Variants in NUDCD3 observed in about 807,000 individuals in gnomAD.
NUDCD3 encodes the protein nudC domain-containing protein 3.
In NUDCD3, 13 loss-of-function variants were observed where a neutral mutation model predicts 39.7. That is an observed-to-expected ratio of 0.33 (90% CI 0.21 to 0.52). NUDCD3 has a LOEUF of 0.52. Ranked by LOEUF, NUDCD3 falls within the 20% of genes least tolerant of loss-of-function variation. The pLI, the probability that NUDCD3 is intolerant of heterozygous loss-of-function variation, is 0.96. For missense variants in NUDCD3, 453 were observed against 458.1 expected, an observed-to-expected ratio of 0.99 and a Z score of 0.10; for synonymous variants, 175 against 172.4, an observed-to-expected ratio of 1.02 and a Z score of -0.12.
chr7:44,461,483 TG>T (rs944064602), intron 2 of NUDCD3, among the ~76,000 whole-genome samples: 2 of 151,936 alleles, frequency 1.3e-5, no homozygotes, highest in African/African-American at 4.8e-5. Context: ...TGTCTCCCTG[TG>T]GGGGGAGGCA....
intron 3 of NUDCD3, among the ~76,000 whole-genome samples, chr7:44,411,389 T>C (rs987319957): frequency 6.6e-6 from 1 of 151,768 alleles, no homozygotes; most frequent in African/African-American, 2.4e-5. Context: ...CTGACAAGGG[T>C]GTAGTATCCA....
chr7:44,381,939 G>C lies in NUDCD3; in HGVS notation c.*4072C>G, dbSNP rs1585043587. On this transcript the variant is annotated 3_prime_UTR_variant, in exon 6 of 6. Transcript: ENST00000355451. ...TCAGTGACAGTTCATCCTGCCATGG[G>C]CTCTGGTCTCCCCATCACCCTCTGA... 1 of 152,290 alleles carries C rather than the reference G, an allele frequency of 6.6e-6. No individual in the cohort carries two copies. Among genetic ancestry groups the C allele is most frequent in the Non-Finnish European group, 1.5e-5 (1 of 68,104 alleles). 9.4% of individuals were successfully genotyped at this position (152,290 alleles called of 1,614,324 possible).
At chr7:44,426,999 T>C (rs1243060065) in intron 3 of NUDCD3, among the ~76,000 whole-genome samples, 1 of 150,300 alleles carries the variant, frequency 6.7e-6, no homozygotes, top group East Asian at 1.9e-4. Context: ...CTCATCACCA[T>C]ACACGGGGAG....
At chr7:44,440,441 G>A (rs1799556076) in intron 2 of NUDCD3, among the ~76,000 whole-genome samples, 1 of 132,902 alleles carries the variant, frequency 7.5e-6, no homozygotes, top group Admixed American at 8.6e-5. Context: ...GTGACTCCTG[G>A]ACCTAATTCT....
chr7:44,427,386 C>G (rs1360299878), intron 3 of NUDCD3, among the ~76,000 whole-genome samples, 185 bp downstream of exon 3: 1 of 152,114 alleles, frequency 6.6e-6, no homozygotes, highest in Non-Finnish European at 1.5e-5. Context: ...GCTGGGAGAA[C>G]CTCACAAACA....
chr7:44,470,384 G>C (rs753336553), intron 2 of NUDCD3, among the ~76,000 whole-genome samples: 2 of 152,158 alleles, frequency 1.3e-5, no homozygotes, highest in Non-Finnish European at 2.9e-5. Flanking sequence ...TCACAGCCAA[G>C]TCATTTGAGA....
At chr7:44,471,231 T>C (rs765815683) in intron 2 of NUDCD3, among the ~76,000 whole-genome samples, 1 of 152,258 alleles carries the variant, frequency 6.6e-6, no homozygotes, top group Non-Finnish European at 1.5e-5. Flanking sequence ...AGTATTTGCA[T>C]ATGCACGTCC....
intron 2 of NUDCD3, among the ~76,000 whole-genome samples, chr7:44,442,550 G>T (rs1476580701): frequency 2.0e-5 from 3 of 152,132 alleles, no homozygotes; most frequent in Non-Finnish European, 2.9e-5. Flanking sequence ...GATGGGAGGG[G>T]ACAAGTGACA....
At chr7:44,487,318 G>C (rs1489570752) in intron 1 of NUDCD3, among the ~76,000 whole-genome samples, 1 of 152,118 alleles carries the variant, frequency 6.6e-6, no homozygotes, top group East Asian at 1.9e-4. Flanking sequence ...GGAACGCTTT[G>C]AAGTTCCACA....
intron 2 of NUDCD3, among the ~76,000 whole-genome samples, chr7:44,463,773 G>C (rs990343596): frequency 5.9e-5 from 9 of 151,900 alleles, no homozygotes; most frequent in African/African-American, 2.2e-4. Flanking sequence ...ATGATCAAAG[G>C]GGTCTTGAGT....
intron 2 of NUDCD3, among the ~76,000 whole-genome samples, chr7:44,444,612 A>G (rs1001069826): frequency 2.6e-5 from 4 of 152,214 alleles, no homozygotes; most frequent in Non-Finnish European, 4.4e-5. Context: ...GAATACTTAC[A>G]TAACACCCCA....
At chr7:44,406,159 C>T (rs925594333) in intron 3 of NUDCD3, among the ~76,000 whole-genome samples, 2 of 152,158 alleles carry the variant, frequency 1.3e-5, no homozygotes, top group Non-Finnish European at 2.9e-5. Context: ...GAGAAGGTGG[C>T]AGAAGGCTGC....
intron 3 of NUDCD3, among the ~76,000 whole-genome samples, chr7:44,423,511 G>A (rs1051224776): frequency 4.6e-5 from 7 of 152,098 alleles, no homozygotes; most frequent in Admixed American, 3.9e-4. Flanking sequence ...GACAAGCAGA[G>A]AGCCAAGTCA....
chr7:44,387,743 C>T (rs903853028), intron 5 of NUDCD3, among the ~76,000 whole-genome samples: 13 of 152,212 alleles, frequency 8.5e-5, no homozygotes, highest in African/African-American at 2.9e-4. Context: ...CTTGATCTTA[C>T]AACAGAGGGA....
intron 2 of NUDCD3, among the ~76,000 whole-genome samples, chr7:44,449,453 C>T (rs986376478): frequency 6.6e-6 from 1 of 152,038 alleles, no homozygotes; most frequent in African/African-American, 2.4e-5. Flanking sequence ...GAGTAGAAGA[C>T]AAGGACTGGG....
chr7:44,427,435 G>C (rs1799257304), intron 3 of NUDCD3, 136 bp downstream of exon 3: 1 of 936,446 alleles, frequency 1.1e-6, no homozygotes, highest in Non-Finnish European at 1.6e-6. Context: ...AGCTCATTCC[G>C]AGGGCAGGAG....
chr7:44,394,355 G>A (rs1013455873), intron 4 of NUDCD3, among the ~76,000 whole-genome samples: 3 of 152,158 alleles, frequency 2.0e-5, no homozygotes, highest in South Asian at 2.1e-4. Flanking sequence ...CTGGTTTGTC[G>A]TTGACTTTAC....
intron 2 of NUDCD3, among the ~76,000 whole-genome samples, chr7:44,445,227 C>T (rs569327528): frequency 1.3e-5 from 2 of 152,368 alleles, no homozygotes; most frequent in East Asian, 3.9e-4. Context: ...ATCCTTTCTA[C>T]ATCCCCTACC....
intron 4 of NUDCD3, among the ~76,000 whole-genome samples, chr7:44,398,140 C>T (rs1422399438): frequency 2.6e-5 from 4 of 152,194 alleles, no homozygotes; most frequent in Admixed American, 2.6e-4. Flanking sequence ...CACCCTGCCC[C>T]GCATAGCATC....
Sources: allele counts gnomAD v4.1 joint callset (sites outside exome capture counted in the v4.1 genomes callset), GRCh38; gene constraint gnomAD v4.1.1; transcripts MANE v1.5; gene names NCBI Gene and HGNC (gene_info 2026-07-23, HGNC 2026-07-21).